The following IQCB1 variants were observed in gnomAD, a reference collection of about 807,000 sequenced individuals.
The protein encoded by IQCB1 is IQ calmodulin-binding motif-containing protein 1.
Under a neutral mutation model 84.4 loss-of-function variants are expected in IQCB1, and 56 were observed. The ratio of observed to expected loss-of-function variants is 0.66; its 90% CI spans 0.54 to 0.83. IQCB1 has a LOEUF of 0.83. IQCB1 is among the 40% of genes least tolerant of loss of function. The pLI, the probability that IQCB1 is intolerant of heterozygous loss-of-function variation, is 0.00. For missense variants in IQCB1, 629 were observed against 682.1 expected, an observed-to-expected ratio of 0.92 and a Z score of 0.87; for synonymous variants, 210 against 234.8, an observed-to-expected ratio of 0.89 and a Z score of 0.96.
intron 10 of IQCB1, among the ~76,000 whole-genome samples, chr3:121,791,233 A>C (rs1295793489): frequency 6.6e-6 from 1 of 152,224 alleles, no homozygotes; most frequent in Non-Finnish European, 1.5e-5. Context: ...TCTTAGAATT[A>C]AACTGTAAAC....
intron 12 of IQCB1, among the ~76,000 whole-genome samples, chr3:121,785,549 T>C (rs1336396674): frequency 6.6e-6 from 1 of 152,180 alleles, no homozygotes; most frequent in Non-Finnish European, 1.5e-5. Context: ...AACAGAAATG[T>C]AAGGTGAGTC....
intron 13 of IQCB1, among the ~76,000 whole-genome samples, chr3:121,779,448 C>T (rs1383020704): frequency 1.3e-5 from 2 of 152,156 alleles, no homozygotes; most frequent in Non-Finnish European, 2.9e-5. Context: ...ATTTTTCACA[C>T]CATACTTTGA....
intron 5 of IQCB1, among the ~76,000 whole-genome samples, chr3:121,815,773 GA>G (rs36021617): frequency 0.65 from 99,223 of 151,598 alleles, 33,064 homozygotes; most frequent in African/African-American, 0.75. Flanking sequence ...CAAACAAATG[GA>G]AAAAAAATTC....
At chr3:121,803,183 T>C (rs1949475874) in intron 7 of IQCB1, among the ~76,000 whole-genome samples, 1 of 152,162 alleles carries the variant, frequency 6.6e-6, no homozygotes, top group Admixed American at 6.6e-5. Context: ...GCATCCCAAG[T>C]AGCTGGGACT....
intron 7 of IQCB1, among the ~76,000 whole-genome samples, chr3:121,803,891 C>T (rs1949507835): frequency 6.6e-6 from 1 of 152,056 alleles, no homozygotes; most frequent in African/African-American, 2.4e-5. Flanking sequence ...TTTTTAAATC[C>T]AATCTGTCAA....
intron 7 of IQCB1, among the ~76,000 whole-genome samples, chr3:121,806,222 C>T (rs1336392895): frequency 6.6e-6 from 1 of 152,052 alleles, no homozygotes; most frequent in East Asian, 1.9e-4. Flanking sequence ...TACCAATGCC[C>T]AAGGACAAGT....
chr3:121,799,289 C>T lies in IQCB1; in HGVS notation c.673G>A (p.Val225Ile), dbSNP rs748585951. 1 of 1,608,002 alleles carries T rather than the reference C, an allele frequency of 6.2e-7. No homozygotes were observed. Among genetic ancestry groups the T allele is most frequent in the East Asian group, 2.2e-5 (1 of 44,746 alleles). ...AGTTTTGTAGCAGTACTTCTTATAA[C>T]TGGACTAGGAGTTGAAAAAAGCTTG... is the stretch of plus-strand genomic sequence containing the variant. ...IFKLFSTPSP[V>I]IRSTATKLLL... Residue 225 changes from valine to isoleucine, a missense_variant, in exon 8 of 15, where the codon GTT (valine) becomes ATT (isoleucine). Coordinates refer to ENST00000310864, the MANE Select transcript of IQCB1 (RefSeq NM_001023570.4).
chr3:121,820,303 A>G (rs1231357021), intron 5 of IQCB1, among the ~76,000 whole-genome samples: 3 of 152,140 alleles, frequency 2.0e-5, no homozygotes, highest in African/African-American at 7.2e-5. Flanking sequence ...ATATTTATTA[A>G]AAAATTAAAA....
At position 121,807,347 on chromosome 3, in the gene IQCB1, T is replaced by A; in HGVS notation, c.584A>T (p.Asn195Ile). The A allele has an allele frequency of 6.9e-7, 1 of 1,458,830 alleles. No homozygotes were observed. The highest frequency in any genetic ancestry group is 9.6e-7 in the Non-Finnish European group (1 of 1,039,060). 90.4% of individuals were successfully genotyped at this position (1,458,830 alleles called of 1,614,324 possible). The change falls in exon 7 of 15, where the codon AAC (asparagine) becomes ATC (isoleucine). Residue 195 changes from asparagine (N) to isoleucine (I), a missense_variant. Coordinates refer to ENST00000310864, the MANE Select transcript of IQCB1 (RefSeq NM_001023570.4). ...MMMLQNILQI[N>I]SGDLLRIGRK... Reference sequence around the variant, plus strand: ...CATTTTGTAAAAACCAAGTCACCTGTTGATCTGTAGTATATTCTGTAGCAT... The same window carrying A: ...CATTTTGTAAAAACCAAGTCACCTGATGATCTGTAGTATATTCTGTAGCAT...
chr3:121,812,448 G>A (rs557775776), intron 5 of IQCB1, among the ~76,000 whole-genome samples: 1 of 152,236 alleles, frequency 6.6e-6, no homozygotes, highest in East Asian at 1.9e-4. Flanking sequence ...AGTAGGCTTC[G>A]GAAGGTGGGT....
At chr3:121,807,624 A>G (rs1280034540) in intron 6 of IQCB1, among the ~76,000 whole-genome samples, 181 bp from the exon 7 acceptor site, 3 of 151,986 alleles carry the variant, frequency 2.0e-5, no homozygotes, top group African/African-American at 7.2e-5. Context: ...AATAGCGATA[A>G]ATAAGTCATT....
At chr3:121,818,396 T>C (rs1466323980) in intron 5 of IQCB1, among the ~76,000 whole-genome samples, 7 of 152,208 alleles carry the variant, frequency 4.6e-5, no homozygotes, top group Admixed American at 3.9e-4. Context: ...AAAAATCAAA[T>C]GACAGCTTGG....
intron 7 of IQCB1, among the ~76,000 whole-genome samples, chr3:121,803,809 A>G (rs993286658): frequency 1.3e-5 from 2 of 152,140 alleles, no homozygotes; most frequent in South Asian, 2.1e-4. Flanking sequence ...GTTCCACCCC[A>G]TTACTTTTAA....
intron 7 of IQCB1, 68 bp downstream of exon 7, chr3:121,807,276 A>T: frequency 2.8e-6 from 2 of 718,806 alleles, no homozygotes; most frequent in South Asian, 1.4e-5. Flanking sequence ...ATTTTAGCAA[A>T]ATTGGAATAA....
At chr3:121,785,402 A>G (rs1948667269) in intron 12 of IQCB1, among the ~76,000 whole-genome samples, 2 of 152,070 alleles carry the variant, frequency 1.3e-5, no homozygotes. Flanking sequence ...CTACCAGTAC[A>G]TGCTACCACG....
chr3:121,786,870 A>C (rs1270582273), intron 12 of IQCB1, among the ~76,000 whole-genome samples: 1 of 152,202 alleles, frequency 6.6e-6, no homozygotes, highest in Admixed American at 6.5e-5. Flanking sequence ...CAAGGTAGTA[A>C]GTCAACCTAA....
chr3:121,810,981 G>A (rs1359190125), intron 5 of IQCB1, among the ~76,000 whole-genome samples: 1 of 152,192 alleles, frequency 6.6e-6, no homozygotes, highest in Non-Finnish European at 1.5e-5. Context: ...TAAATTCTCT[G>A]CCAGGGGGAT....
chr3:121,788,702 TAA>T (rs201220723), intron 11 of IQCB1, among the ~76,000 whole-genome samples: 19 of 124,322 alleles, frequency 1.5e-4, no homozygotes, highest in Non-Finnish European at 1.7e-4. Context: ...CAAAGAACAC[TAA>T]AAAAAAAAAA....
chr3:121,801,074 T>C (rs538382739), intron 7 of IQCB1, among the ~76,000 whole-genome samples: 29 of 152,082 alleles, frequency 1.9e-4, no homozygotes, highest in Non-Finnish European at 2.9e-4. Flanking sequence ...TTTTCATTTG[T>C]CTTTGTGGGC....
Sources: gnomAD v4.1 joint callset for allele counts (sites outside exome capture counted in the v4.1 genomes callset) on GRCh38, gnomAD v4.1.1 for gene constraint, MANE v1.5 for transcripts, NCBI Gene and HGNC (gene_info 2026-07-23, HGNC 2026-07-21) for gene names.